PPIL3: variants seen among roughly 807,000 people sequenced by gnomAD.
PPIL3 encodes peptidylprolyl isomerase like 3.
Under a neutral mutation model 20.9 loss-of-function variants are expected in PPIL3, and 13 were observed. That is an observed-to-expected ratio of 0.62 (90% CI 0.40 to 0.99). PPIL3 has a LOEUF of 0.99. Among genes scored for constraint, PPIL3 ranks in the 50% least tolerant of loss-of-function variants. The probability of loss-of-function intolerance (pLI) is 0.00; values close to 1 mark genes in which losing one functional copy is unlikely to be tolerated. For missense variants in PPIL3, 170 were observed against 195.2 expected, an observed-to-expected ratio of 0.87 and a Z score of 0.77; for synonymous variants, 71 against 64.4, an observed-to-expected ratio of 1.10 and a Z score of -0.49.
At chr2:200,882,262 G>GT (rs1197881934) in intron 4 of PPIL3, 80 bp downstream of exon 4, 4 of 933,914 alleles carry the variant, frequency 4.3e-6, no homozygotes, top group Non-Finnish European at 6.8e-6. Context: ...AAAACTCCAC[G>GT]TATTTAATTC....
intron 5 of PPIL3, among the ~76,000 whole-genome samples, chr2:200,877,960 G>C (rs1453733345): frequency 6.6e-6 from 1 of 152,148 alleles, no homozygotes; most frequent in African/African-American, 2.4e-5. Context: ...ATGTAACTGT[G>C]AACTATGTTA....
At chr2:200,888,098 A>T (rs1041554024) in intron 1 of PPIL3, among the ~76,000 whole-genome samples, 4 of 151,132 alleles carry the variant, frequency 2.6e-5, no homozygotes, top group Admixed American at 2.0e-4. Context: ...TCCCCTAGGT[A>T]ATAAAAACCC....
At chr2:200,874,061 C>T (rs1468438650) in intron 6 of PPIL3, among the ~76,000 whole-genome samples, 8 of 151,338 alleles carry the variant, frequency 5.3e-5, no homozygotes, top group South Asian at 2.1e-4. Flanking sequence ...AAAAATTAGC[C>T]GGGCGCGGTG....
chr2:200,886,526 A>G (rs974191539), intron 2 of PPIL3, among the ~76,000 whole-genome samples: 1 of 151,860 alleles, frequency 6.6e-6, no homozygotes, highest in Admixed American at 6.6e-5. Flanking sequence ...CCTGCGTTCA[A>G]GCAATTCTCC....
chr2:200,885,318 C>A, intron 3 of PPIL3: 1 of 358,338 alleles, frequency 2.8e-6, no homozygotes, highest in Non-Finnish European at 4.9e-6. Context: ...TTGCAGTGAG[C>A]CGAGATCGCG....
At chr2:200,883,112 CT>C (rs1289951586) in intron 3 of PPIL3, among the ~76,000 whole-genome samples, 296 of 108,808 alleles carry the variant, frequency 2.7e-3, no homozygotes, top group African/African-American at 8.3e-3. Flanking sequence ...CTGGAATGTT[CT>C]TTTTTTTTTT....
At chr2:200,882,599 C>A (rs959273339) in intron 3 of PPIL3, among the ~76,000 whole-genome samples, 164 bp from the exon 4 acceptor site, 4 of 152,190 alleles carry the variant, frequency 2.6e-5, no homozygotes, top group African/African-American at 9.7e-5. Flanking sequence ...TAGCTTCCTT[C>A]TCCTCTTGAA....
At chr2:200,877,085 C>T (rs775297064) in intron 5 of PPIL3, 48 bp from the exon 6 acceptor site, 11 of 1,212,938 alleles carry the variant, frequency 9.1e-6, no homozygotes, top group Non-Finnish European at 9.8e-6. Context: ...TATAACCATC[C>T]CAAATATAGT....
intron 3 of PPIL3, among the ~76,000 whole-genome samples, chr2:200,882,960 G>A (rs2039790370): frequency 6.6e-6 from 1 of 151,064 alleles, no homozygotes; most frequent in Non-Finnish European, 1.5e-5. Flanking sequence ...AAGCCCTGCA[G>A]TACCTGGCTC....
At chr2:200,881,547 T>C (rs2039725836) in intron 4 of PPIL3, 59 bp from the exon 5 acceptor site, 3 of 1,447,040 alleles carry the variant, frequency 2.1e-6, no homozygotes, top group South Asian at 2.3e-5. Flanking sequence ...AACAAGTTCA[T>C]TTCCCAAAAC....
chr2:200,884,643 G>A (rs2039861590), intron 3 of PPIL3, among the ~76,000 whole-genome samples: 1 of 152,058 alleles, frequency 6.6e-6, no homozygotes, highest in African/African-American at 2.4e-5. Context: ...GGGAGGCCAA[G>A]GTGGGAGGAT....
Position 200,887,837 on chromosome 2 carries a change from A to G in PPIL3, c.-70-152T>C, listed in dbSNP as rs573954853. The G allele has an allele frequency of 3.5e-5, 13 of 367,440 alleles. No individual in the cohort carries two copies. In the South Asian group the frequency reaches 7.7e-4, roughly 22 times the overall value. The allele number at this position is 367,440 out of a possible 1,614,324, so 22.8% of individuals were successfully genotyped here. A position where few individuals can be genotyped will look rare whatever the true frequency, so the allele number is the denominator to read the frequency against. On this transcript the variant is annotated intron_variant, in intron 1 of 6. Transcript: ENST00000392283. Reference sequence around the variant, plus strand: ...TTTGGGAGGCCGAGGCGGGTGGATCACTTGAGGTCAGGAGTTCGAGACCAG... The same window carrying G: ...TTTGGGAGGCCGAGGCGGGTGGATCGCTTGAGGTCAGGAGTTCGAGACCAG...
At position 200,885,715 on chromosome 2, in the gene PPIL3, T is replaced by C; in HGVS notation, c.61A>G (p.Thr21Ala). Residue 21 changes from threonine to alanine, a missense_variant, in exon 3 of 7, where the codon ACA (threonine) becomes GCA (alanine). Coordinates refer to ENST00000392283, the MANE Select transcript of PPIL3 (RefSeq NM_130906.3). ...DIKIEVFCER[T>A]PKTCENFLAL... is the part of the protein sequence containing the mutation. The stretch of plus-strand genomic sequence containing the variant: ...GTACTTACCTCACATGTTTTGGGTG[T>C]CCTCTCACAGAAGACTTCAATTTTA... The C allele has an allele frequency of 6.3e-7, 1 of 1,579,116 alleles. No homozygotes were observed.
At chr2:200,880,183 TC>T (rs2039670650) in intron 5 of PPIL3, among the ~76,000 whole-genome samples, 1 of 151,840 alleles carries the variant, frequency 6.6e-6, no homozygotes, top group African/African-American at 2.4e-5. Context: ...GAAAATTTAG[TC>T]TGCAGTGAGC....
At chr2:200,885,563 G>A in intron 3 of PPIL3, 135 bp downstream of exon 3, 1 of 646,122 alleles carries the variant, frequency 1.5e-6, no homozygotes, top group Non-Finnish European at 2.7e-6. Context: ...CAGGCCAGAA[G>A]TTAGGATGGC....
At chr2:200,874,066 G>A (rs538920538) in intron 6 of PPIL3, among the ~76,000 whole-genome samples, 30 of 151,640 alleles carry the variant, frequency 2.0e-4, no homozygotes, top group South Asian at 4.2e-4. Context: ...TTAGCCGGGC[G>A]CGGTGGCGGG....
intron 3 of PPIL3, among the ~76,000 whole-genome samples, 154 bp from the exon 4 acceptor site, chr2:200,882,589 T>C (rs930405986): frequency 1.9e-4 from 29 of 152,178 alleles, no homozygotes; most frequent in African/African-American, 7.0e-4. Flanking sequence ...AACACTTCAA[T>C]AGCTTCCTTC....
Position 200,874,422 on chromosome 2 carries a change from G to A in PPIL3, c.359+2497C>T, listed in dbSNP as rs142094043. The stretch of plus-strand genomic sequence containing the variant: ...GGTAAAAAGTTAAAAAAACCCAGCA[G>A]GTAGAACTGAGGCAGTTAAGTAGAG... On this transcript the variant is annotated intron_variant, in intron 6 of 6. Coordinates refer to ENST00000392283, the MANE Select transcript of PPIL3 (RefSeq NM_130906.3). 4.5e-4 allele frequency among the ~76,000 whole-genome samples: 69 copies of A among 152,168 alleles called. No individual in the cohort carries two copies. The East Asian group carries it at 0.013, about 29-fold the overall frequency.
intron 6 of PPIL3, among the ~76,000 whole-genome samples, chr2:200,874,377 G>A (rs2105758651): frequency 6.6e-6 from 1 of 152,052 alleles, no homozygotes; most frequent in Admixed American, 6.6e-5. Flanking sequence ...AAACAGAGGA[G>A]GTAGAAAACA....
Sources: gnomAD v4.1 joint callset for allele counts (sites outside exome capture counted in the v4.1 genomes callset) on GRCh38, gnomAD v4.1.1 for gene constraint, MANE v1.5 for transcripts, NCBI Gene and HGNC (gene_info 2026-07-23, HGNC 2026-07-21) for gene names.